KCNJ6: variants seen among roughly 807,000 people sequenced by gnomAD.
KCNJ6 encodes the protein G protein-activated inward rectifier potassium channel 2.
In KCNJ6, 9 loss-of-function variants were observed where a neutral mutation model predicts 34.2. The observed-to-expected ratio is 0.26, with a 90% confidence interval of 0.16 to 0.46. KCNJ6 has a LOEUF of 0.46. Among genes scored for constraint, KCNJ6 ranks in the 20% least tolerant of loss-of-function variants. The pLI is 1.00. For synonymous variants in KCNJ6, 196 were observed against 207.1 expected (o/e 0.95, Z 0.46); for missense variants, 236 against 531.3 (o/e 0.44, Z 5.46).
At chr21:37,666,563 C>T (rs140955163) in intron 3 of KCNJ6, among the ~76,000 whole-genome samples, 1,954 of 152,284 alleles carry the variant, frequency 0.013, 23 homozygotes, top group Middle Eastern at 0.024. Context: ...GCCACCCCGT[C>T]TGGGAAGTGA....
At chr21:37,729,810 T>C (rs858031) in intron 2 of KCNJ6, among the ~76,000 whole-genome samples, 148,741 of 152,376 alleles carry the variant, frequency 0.98, 72,633 homozygotes, top group East Asian at 1. Context: ...TGCCCGTTCA[T>C]AGGGCTGAGT....
chr21:37,853,849 T>TATATATATATATATATACAC (rs1245467242), intron 1 of KCNJ6, among the ~76,000 whole-genome samples: 2 of 140,482 alleles, frequency 1.4e-5, no homozygotes, highest in African/African-American at 5.5e-5. Flanking sequence ...TATATATGTA[T>TATATATATATATATATACAC]ATATATATAT....
intron 2 of KCNJ6, among the ~76,000 whole-genome samples, chr21:37,824,669 C>T (rs547076475): frequency 2.0e-5 from 3 of 152,244 alleles, no homozygotes; most frequent in East Asian, 1.9e-4. Flanking sequence ...TTATAAGTGA[C>T]GGGCTTTCCT....
chr21:37,620,987 G>A lies in KCNJ6; in HGVS notation c.*4172C>T, dbSNP rs2054288267. 6.6e-6 allele frequency: 1 copy of A among 152,150 alleles called. No homozygotes were observed. Among genetic ancestry groups the A allele is most frequent in the South Asian group, 2.1e-4 (1 of 4,832 alleles). The allele number at this position is 152,150 out of a possible 1,614,324, so 9.4% of individuals were successfully genotyped here. On this transcript the variant is annotated 3_prime_UTR_variant, in exon 4 of 4. Transcript: ENST00000609713. ...AAGGCTAACATTTTCTTAGATACCG[G>A]TTGGCCATAAAGTTCAGAAACAAGA... is the stretch of plus-strand genomic sequence containing the variant.
At chr21:37,667,206 A>T (rs1224249541) in intron 3 of KCNJ6, among the ~76,000 whole-genome samples, 1 of 148,926 alleles carries the variant, frequency 6.7e-6, no homozygotes, top group Non-Finnish European at 1.5e-5. Context: ...AACGCAGGCA[A>T]AGTGTCCAGA....
intron 3 of KCNJ6, among the ~76,000 whole-genome samples, chr21:37,702,835 C>T (rs890352315): frequency 1.3e-5 from 2 of 151,948 alleles, no homozygotes; most frequent in African/African-American, 4.8e-5. Context: ...GTCATGAGTG[C>T]CAAGGAAGAA....
At chr21:37,785,586 A>G (rs571251185) in intron 2 of KCNJ6, among the ~76,000 whole-genome samples, 3 of 152,260 alleles carry the variant, frequency 2.0e-5, no homozygotes, top group Non-Finnish European at 4.4e-5. Context: ...AAGTAATAGT[A>G]TCCTTCATTG....
At chr21:37,687,159 G>A (rs573773959) in intron 3 of KCNJ6, among the ~76,000 whole-genome samples, 2 of 152,016 alleles carry the variant, frequency 1.3e-5, no homozygotes, top group Non-Finnish European at 2.9e-5. Context: ...TGCATGACAG[G>A]CGCCTCTTAA....
chr21:37,772,545 T>C (rs1283156341), intron 2 of KCNJ6, among the ~76,000 whole-genome samples: 1 of 152,222 alleles, frequency 6.6e-6, no homozygotes, highest in African/African-American at 2.4e-5. Flanking sequence ...GCTGTAACAT[T>C]AAATATTTTA....
chr21:37,631,191 G>C (rs1298934027), intron 3 of KCNJ6, among the ~76,000 whole-genome samples: 1 of 152,070 alleles, frequency 6.6e-6, no homozygotes, highest in Non-Finnish European at 1.5e-5. Flanking sequence ...AAGTACTTAT[G>C]GTTAAGTGAA....
At chr21:37,756,269 A>G (rs1232008390) in intron 2 of KCNJ6, among the ~76,000 whole-genome samples, 1 of 152,206 alleles carries the variant, frequency 6.6e-6, no homozygotes, top group Non-Finnish European at 1.5e-5. Flanking sequence ...ACCACAGATG[A>G]CCATTCATTC....
At chr21:37,810,494 T>C (rs1380709708) in intron 2 of KCNJ6, among the ~76,000 whole-genome samples, 1 of 152,192 alleles carries the variant, frequency 6.6e-6, no homozygotes, top group African/African-American at 2.4e-5. Context: ...TACTTGTCAA[T>C]GAACAGTCAA....
At chr21:37,853,731 G>T (rs768327927) in intron 1 of KCNJ6, among the ~76,000 whole-genome samples, 5 of 151,144 alleles carry the variant, frequency 3.3e-5, no homozygotes, top group African/African-American at 4.9e-5. Context: ...AAATATTTAA[G>T]ACAACTATAT....
At chr21:37,863,860 G>GTTTTTTTTTTTTT (rs56800970) in intron 1 of KCNJ6, among the ~76,000 whole-genome samples, 6 of 81,078 alleles carry the variant, frequency 7.4e-5, no homozygotes, top group East Asian at 4.7e-4. Context: ...TTTTTTTTTT[G>GTTTTTTTTTTTTT]TTTTTTTTTT....
intron 2 of KCNJ6, among the ~76,000 whole-genome samples, chr21:37,725,518 G>T (rs2054849818): frequency 6.6e-6 from 1 of 152,236 alleles, no homozygotes; most frequent in Admixed American, 6.5e-5. Flanking sequence ...ATGAGTATGT[G>T]AAAGGTGTGT....
chr21:37,848,905 C>T (rs138990081), intron 1 of KCNJ6, among the ~76,000 whole-genome samples: 17 of 152,264 alleles, frequency 1.1e-4, no homozygotes, highest in Non-Finnish European at 1.9e-4. Flanking sequence ...TGACTTTCAG[C>T]GTCAATATCC....
At chr21:37,740,658 G>A (rs762194280) in intron 2 of KCNJ6, among the ~76,000 whole-genome samples, 2 of 152,210 alleles carry the variant, frequency 1.3e-5, no homozygotes, top group Non-Finnish European at 2.9e-5. Context: ...CCTGAGGGCT[G>A]TGTCACTCAT....
At chr21:37,781,154 G>A (rs951514507) in intron 2 of KCNJ6, among the ~76,000 whole-genome samples, 25 of 152,118 alleles carry the variant, frequency 1.6e-4, no homozygotes, top group African/African-American at 5.1e-4. Context: ...CCACCCATCC[G>A]GCATCAGTCA....
chr21:37,906,366 G>A (rs1174950283), intron 1 of KCNJ6, among the ~76,000 whole-genome samples: 3 of 152,190 alleles, frequency 2.0e-5, no homozygotes, highest in African/African-American at 7.2e-5. Context: ...GCCTGGACTT[G>A]GAGGTCTCTA....
Sources: allele counts gnomAD v4.1 joint callset (sites outside exome capture counted in the v4.1 genomes callset), GRCh38; gene constraint gnomAD v4.1.1; transcripts MANE v1.5; gene names NCBI Gene and HGNC (gene_info 2026-07-23, HGNC 2026-07-21).